The following GALNTL6 variants were observed in gnomAD, a reference collection of about 807,000 sequenced individuals.
The protein encoded by GALNTL6 is polypeptide N-acetylgalactosaminyltransferase like 6.
Under a neutral mutation model 73.7 loss-of-function variants are expected in GALNTL6, and 46 were observed. That is an observed-to-expected ratio of 0.62 (90% CI 0.49 to 0.80). GALNTL6 has a LOEUF of 0.80. Ranked by LOEUF, GALNTL6 falls within the 30% of genes least tolerant of loss-of-function variation. The pLI is 0.00. For synonymous variants in GALNTL6, 259 were observed against 263.7 expected, an observed-to-expected ratio of 0.98 and a Z score of 0.17; for missense variants, 604 against 755.0, an observed-to-expected ratio of 0.80 and a Z score of 2.34.
At chr4:172,231,617 C>T (rs1479510871) in intron 3 of GALNTL6, among the ~76,000 whole-genome samples, 2 of 152,098 alleles carry the variant, frequency 1.3e-5, no homozygotes, top group African/African-American at 4.8e-5. Context: ...TCCATACATG[C>T]ACTGTGGCAA....
chr4:172,200,034 T>C (rs1352123526), intron 2 of GALNTL6, among the ~76,000 whole-genome samples: 1 of 152,156 alleles, frequency 6.6e-6, no homozygotes, highest in Non-Finnish European at 1.5e-5. Context: ...CTAAGTAACT[T>C]TGAAATTCTA....
chr4:172,420,348 C>T (rs573891863), intron 5 of GALNTL6, among the ~76,000 whole-genome samples: 2 of 152,254 alleles, frequency 1.3e-5, no homozygotes, highest in East Asian at 1.9e-4. Flanking sequence ...TAAAAAGTCC[C>T]GTATTGGGAG....
At chr4:171,927,543 C>T (rs930000833) in intron 2 of GALNTL6, among the ~76,000 whole-genome samples, 3 of 152,090 alleles carry the variant, frequency 2.0e-5, no homozygotes, top group Non-Finnish European at 1.5e-5. Flanking sequence ...ACCCTATACA[C>T]ATGCCAACCA....
intron 5 of GALNTL6, among the ~76,000 whole-genome samples, chr4:172,657,467 G>GT (rs1211005634): frequency 6.6e-6 from 1 of 152,170 alleles, no homozygotes; most frequent in Non-Finnish European, 1.5e-5. Context: ...TTGTGAGTTT[G>GT]TTTTTTATTT....
chr4:172,049,694 G>A (rs925707671), intron 2 of GALNTL6, among the ~76,000 whole-genome samples: 4 of 152,116 alleles, frequency 2.6e-5, no homozygotes, highest in Admixed American at 2.6e-4. Context: ...AATAAAAAAT[G>A]CAGGCTCAGC....
At chr4:172,035,436 G>A (rs1209308715) in intron 2 of GALNTL6, among the ~76,000 whole-genome samples, 2 of 151,090 alleles carry the variant, frequency 1.3e-5, no homozygotes, top group Non-Finnish European at 3.0e-5. Flanking sequence ...CTAACACCTA[G>A]AATAAAAAGG....
At chr4:172,900,778 A>G (rs76285884) in intron 8 of GALNTL6, among the ~76,000 whole-genome samples, 1 of 152,290 alleles carries the variant, frequency 6.6e-6, no homozygotes, top group East Asian at 1.9e-4. Context: ...TTAAAGTATT[A>G]TTCAGAAAAT....
chr4:172,132,780 T>G (rs1251739702), intron 2 of GALNTL6, among the ~76,000 whole-genome samples: 1 of 152,174 alleles, frequency 6.6e-6, no homozygotes, highest in African/African-American at 2.4e-5. Context: ...TGTTCCTCTT[T>G]GAGATTTGAA....
chr4:172,662,142 C>T (rs837199), intron 5 of GALNTL6, among the ~76,000 whole-genome samples: 5,609 of 152,144 alleles, frequency 0.037, 345 homozygotes, highest in African/African-American at 0.12. Context: ...AAGCAGCTGG[C>T]TTAAGGGATA....
At chr4:171,944,097 A>T (rs562175711) in intron 2 of GALNTL6, among the ~76,000 whole-genome samples, 1 of 152,070 alleles carries the variant, frequency 6.6e-6, no homozygotes, top group African/African-American at 2.4e-5. Flanking sequence ...CAATCAAATG[A>T]TAAGAAAAAA....
At chr4:172,624,123 G>A (rs1739065653) in intron 5 of GALNTL6, among the ~76,000 whole-genome samples, 1 of 152,048 alleles carries the variant, frequency 6.6e-6, no homozygotes, top group African/African-American at 2.4e-5. Flanking sequence ...TCACTGTGTT[G>A]ATCAGCACAC....
intron 8 of GALNTL6, among the ~76,000 whole-genome samples, chr4:172,907,400 A>G (rs1348118810): frequency 6.6e-6 from 1 of 152,234 alleles, no homozygotes; most frequent in East Asian, 1.9e-4. Context: ...AGCTATTTAA[A>G]GACTATACAT....
chr4:172,194,789 G>A (rs888157965), intron 2 of GALNTL6, among the ~76,000 whole-genome samples: 3 of 152,146 alleles, frequency 2.0e-5, no homozygotes, highest in African/African-American at 7.2e-5. Flanking sequence ...AAGAGCTCCT[G>A]AAGGAAGCAC....
intron 5 of GALNTL6, among the ~76,000 whole-genome samples, chr4:172,569,416 G>A (rs1326660122): frequency 3.3e-5 from 5 of 152,096 alleles, no homozygotes; most frequent in Non-Finnish European, 7.3e-5. Flanking sequence ...TTATTTTGGG[G>A]GGACACAAAC....
At chr4:172,125,267 A>G (rs1733263314) in intron 2 of GALNTL6, among the ~76,000 whole-genome samples, 1 of 152,212 alleles carries the variant, frequency 6.6e-6, no homozygotes, top group African/African-American at 2.4e-5. Flanking sequence ...CAGAATTTTC[A>G]ATCTAAATCC....
chr4:172,006,366 G>C (rs955188425), intron 2 of GALNTL6, among the ~76,000 whole-genome samples: 4 of 152,118 alleles, frequency 2.6e-5, no homozygotes, highest in African/African-American at 9.7e-5. Flanking sequence ...GGTGGCTCTT[G>C]CCTGTAATCC....
chr4:171,896,389 G>A (rs1030450869), intron 2 of GALNTL6, among the ~76,000 whole-genome samples: 1 of 152,122 alleles, frequency 6.6e-6, no homozygotes, highest in African/African-American at 2.4e-5. Context: ...CCTACATGGT[G>A]CCTAGATTTC....
intron 5 of GALNTL6, among the ~76,000 whole-genome samples, chr4:172,604,519 T>C (rs946843717): frequency 6.6e-6 from 1 of 152,206 alleles, no homozygotes. Context: ...AAAATTATGT[T>C]CTGTATAAAA....
chr4:172,311,947 C>A (rs1740378697), intron 4 of GALNTL6, among the ~76,000 whole-genome samples, 195 bp downstream of exon 4: 1 of 152,112 alleles, frequency 6.6e-6, no homozygotes, highest in African/African-American at 2.4e-5. Context: ...TAAAACAATA[C>A]TGAATTTCTA....
Sources: gnomAD v4.1 joint callset for allele counts (sites outside exome capture counted in the v4.1 genomes callset) on GRCh38, gnomAD v4.1.1 for gene constraint, MANE v1.5 for transcripts, NCBI Gene and HGNC (gene_info 2026-07-23, HGNC 2026-07-21) for gene names.